The following ADGRL3 variants were observed in gnomAD, a reference collection of about 807,000 sequenced individuals.
The protein encoded by ADGRL3 is calcium-independent alpha-latrotoxin receptor 3.
ADGRL3 carries 62 observed loss-of-function variants against 153.5 expected under a neutral mutation model. The observed-to-expected ratio is 0.40, with a 90% CI of 0.33 to 0.50. The LOEUF (loss-of-function observed/expected upper bound fraction) is 0.50, where lower values mean the gene tolerates loss of function less well. ADGRL3 is among the 20% of genes least tolerant of loss of function. The probability of loss-of-function intolerance (pLI) is 0.47; values close to 1 mark genes in which losing one functional copy is unlikely to be tolerated. For missense variants in ADGRL3, 1,641 were observed against 1,859.4 expected, an observed-to-expected ratio of 0.88 and a Z score of 2.16; for synonymous variants, 710 against 672.5, an observed-to-expected ratio of 1.06 and a Z score of -0.86.
chr4:61,604,435 T>C (rs2099024025), intron 5 of ADGRL3, among the ~76,000 whole-genome samples: 1 of 152,196 alleles, frequency 6.6e-6, no homozygotes, highest in Admixed American at 6.5e-5. Context: ...AGAAATACCA[T>C]AATATTTTTC....
At chr4:61,555,177 G>T (rs2098759521) in intron 4 of ADGRL3, among the ~76,000 whole-genome samples, 1 of 152,110 alleles carries the variant, frequency 6.6e-6, no homozygotes, top group Admixed American at 6.6e-5. Context: ...TTCTGTGTTT[G>T]CTGGTTTCTT....
intron 2 of ADGRL3, among the ~76,000 whole-genome samples, chr4:61,391,014 A>C (rs1054445262): frequency 1.3e-5 from 2 of 152,138 alleles, no homozygotes; most frequent in East Asian, 1.9e-4. Flanking sequence ...TATTGTATAG[A>C]TGTATCTCAG....
At chr4:61,556,512 T>G (rs1305183220) in intron 4 of ADGRL3, among the ~76,000 whole-genome samples, 1 of 151,996 alleles carries the variant, frequency 6.6e-6, no homozygotes. Flanking sequence ...GCTTTGAACA[T>G]AGCAGAAACA....
chr4:61,964,617 A>G (rs1204834961), intron 17 of ADGRL3, among the ~76,000 whole-genome samples: 1 of 152,116 alleles, frequency 6.6e-6, no homozygotes, highest in East Asian at 1.9e-4. Context: ...GGGAATTCCC[A>G]CAATATCAGT....
intron 25 of ADGRL3, among the ~76,000 whole-genome samples, chr4:62,048,571 T>A (rs1186804520): frequency 1.3e-5 from 2 of 152,146 alleles, no homozygotes; most frequent in African/African-American, 4.8e-5. Flanking sequence ...ATTTTTATTT[T>A]TTTGAGCCAG....
chr4:61,411,621 T>C (rs574515844), intron 2 of ADGRL3, among the ~76,000 whole-genome samples: 1 of 152,340 alleles, frequency 6.6e-6, no homozygotes, highest in African/African-American at 2.4e-5. Context: ...CAGCTTTACA[T>C]ACAATTTTGA....
intron 6 of ADGRL3, among the ~76,000 whole-genome samples, chr4:61,721,054 T>C (rs2096234199): frequency 6.6e-6 from 1 of 152,172 alleles, no homozygotes; most frequent in Non-Finnish European, 1.5e-5. Flanking sequence ...AAATGCTAAA[T>C]AAGTAGGACT....
chr4:61,573,904 C>A (rs920564250), intron 4 of ADGRL3, among the ~76,000 whole-genome samples: 1 of 151,994 alleles, frequency 6.6e-6, no homozygotes, highest in Non-Finnish European at 1.5e-5. Context: ...CAACCGCTAA[C>A]CTTTCTTTCT....
At position 61,597,021 on chromosome 4, in the gene ADGRL3, T is replaced by G. The variant is rs150157651; in HGVS notation, c.473+9581T>G. On this transcript the variant is annotated intron_variant, in intron 5 of 26. Transcript: ENST00000683033. The stretch of plus-strand genomic sequence containing the variant: ...GATTATGATTTCCAAATGGTAAAAG[T>G]GAAGTGTGTTTTTTTTTTTCATGCA... 5.6e-3 allele frequency among the ~76,000 whole-genome samples: 850 copies of G among 151,982 alleles called. 6 individuals carry two copies. Among genetic ancestry groups the G allele is most frequent in the African/African-American group, 0.018 (745 of 41,486 alleles).
chr4:61,863,501 T>C (rs1353427727), intron 9 of ADGRL3, among the ~76,000 whole-genome samples: 1 of 152,074 alleles, frequency 6.6e-6, no homozygotes, highest in South Asian at 2.1e-4. Context: ...CCTCCCAAAG[T>C]GCTGGGATTA....
chr4:61,367,650 G>C (rs2096430572), intron 1 of ADGRL3, among the ~76,000 whole-genome samples: 1 of 146,878 alleles, frequency 6.8e-6, no homozygotes, highest in Admixed American at 6.9e-5. Context: ...TTGGACATTT[G>C]GGTTGGTTCC....
intron 17 of ADGRL3, among the ~76,000 whole-genome samples, chr4:61,952,790 A>G (rs189982443): frequency 0.012 from 1,816 of 152,300 alleles, 23 homozygotes; most frequent in Non-Finnish European, 0.02. Context: ...ACTCAGACTC[A>G]GAAAAACGAA....
chr4:62,029,585 T>C (rs1296099506), intron 22 of ADGRL3, among the ~76,000 whole-genome samples: 1 of 151,662 alleles, frequency 6.6e-6, no homozygotes, highest in African/African-American at 2.4e-5. Context: ...CTAAGATTGG[T>C]AACCTATGGG....
chr4:61,280,879 A>G (rs2149987017), intron 1 of ADGRL3, among the ~76,000 whole-genome samples: 1 of 152,264 alleles, frequency 6.6e-6, no homozygotes, highest in East Asian at 1.9e-4. Flanking sequence ...ACACTCACTG[A>G]ACTGGAAAAT....
intron 6 of ADGRL3, among the ~76,000 whole-genome samples, chr4:61,679,443 A>G (rs763927872): frequency 6.6e-6 from 1 of 152,070 alleles, no homozygotes; most frequent in Admixed American, 6.6e-5. Context: ...CCTGGATCTC[A>G]CCTTGTAGAC....
chr4:61,956,968 A>G (rs1051527304), intron 17 of ADGRL3, among the ~76,000 whole-genome samples: 2 of 152,068 alleles, frequency 1.3e-5, no homozygotes, highest in South Asian at 2.1e-4. Flanking sequence ...GTCAGGTAGC[A>G]TGATGCTTCC....
intron 2 of ADGRL3, among the ~76,000 whole-genome samples, chr4:61,401,682 A>AT (rs2096931810): frequency 6.6e-6 from 1 of 152,012 alleles, no homozygotes; most frequent in African/African-American, 2.4e-5. Flanking sequence ...AAGGACACAG[A>AT]TTTTTCTACA....
chr4:61,778,777 G>T (rs1241410242), intron 8 of ADGRL3, among the ~76,000 whole-genome samples: 1 of 152,226 alleles, frequency 6.6e-6, no homozygotes, highest in Non-Finnish European at 1.5e-5. Context: ...TCATTTGTAA[G>T]CTGGGCGTGG....
chr4:61,887,794 A>G (rs183437512), intron 9 of ADGRL3, among the ~76,000 whole-genome samples: 12 of 152,172 alleles, frequency 7.9e-5, no homozygotes, highest in Admixed American at 3.3e-4. Context: ...GCAGTGAGCC[A>G]AGATTGCACC....
Sources: allele counts gnomAD v4.1 joint callset (sites outside exome capture counted in the v4.1 genomes callset), GRCh38; gene constraint gnomAD v4.1.1; transcripts MANE v1.5; gene names NCBI Gene and HGNC (gene_info 2026-07-23, HGNC 2026-07-21).